Variants in CEP126 observed in about 807,000 individuals in gnomAD.
The protein encoded by CEP126 is centrosomal protein of 126 kDa.
In CEP126, 74 loss-of-function variants were observed where a neutral mutation model predicts 107.8. The observed-to-expected ratio is 0.69, with a 90% CI of 0.57 to 0.83. The LOEUF is 0.83. CEP126 is among the 40% of genes least tolerant of loss of function. The pLI, the probability that CEP126 is intolerant of heterozygous loss-of-function variation, is 0.00. For synonymous variants in CEP126, 449 were observed against 446.0 expected (o/e 1.01, Z -0.08); for missense variants, 1,237 against 1,281.9 (o/e 0.96, Z 0.53).
In CEP126 at chr11:101,929,630, C is replaced by T. The variant is rs879490059; in HGVS notation, c.248+6870C>T. On this transcript the variant is annotated intron_variant, in intron 2 of 10. Coordinates refer to ENST00000263468, the MANE Select transcript of CEP126 (RefSeq NM_020802.4). ...ACCACCAACTATGGAGAGCGTAGGG[C>T]ACTTCGTCCTGCTGGGTAGGTGAAA... is the stretch of plus-strand genomic sequence containing the variant. Among the ~76,000 whole-genome samples, 20 of 152,152 alleles carry T rather than the reference C, an allele frequency of 1.3e-4. 1 individual carries two copies. Among genetic ancestry groups the T allele is most frequent in the Admixed American group, 3.9e-4 (6 of 15,266 alleles).
intron 9 of CEP126, among the ~76,000 whole-genome samples, chr11:101,989,698 G>A (rs1383061352): frequency 9.2e-5 from 14 of 152,158 alleles, no homozygotes; most frequent in Non-Finnish European, 7.4e-5. Flanking sequence ...GGTGCCTCAC[G>A]CCTGTAATCC....
intron 4 of CEP126, among the ~76,000 whole-genome samples, chr11:101,953,435 G>A (rs771867687): frequency 6.6e-6 from 1 of 151,944 alleles, no homozygotes; most frequent in Non-Finnish European, 1.5e-5. Flanking sequence ...ATATAGATAA[G>A]GTCACATAGA....
intron 8 of CEP126, among the ~76,000 whole-genome samples, chr11:101,983,599 G>A (rs184035845): frequency 2.0e-5 from 3 of 152,286 alleles, no homozygotes; most frequent in Admixed American, 1.3e-4. Flanking sequence ...GTGATCAAGC[G>A]TCTGCTGATT....
chr11:101,915,945 T>C (rs1334727822), intron 1 of CEP126: 1 of 152,256 alleles, frequency 6.6e-6, no homozygotes, highest in Non-Finnish European at 1.5e-5. Flanking sequence ...AAAGAGGAAA[T>C]GAGAAACAGG....
chr11:101,979,318 T>TG (rs1397472828), intron 7 of CEP126, among the ~76,000 whole-genome samples: 2 of 152,216 alleles, frequency 1.3e-5, no homozygotes, highest in Non-Finnish European at 2.9e-5. Flanking sequence ...CATTTCCTAT[T>TG]GAGGACCTTT....
intron 2 of CEP126, among the ~76,000 whole-genome samples, chr11:101,926,402 G>A (rs925304319): frequency 6.6e-6 from 1 of 152,226 alleles, no homozygotes; most frequent in Non-Finnish European, 1.5e-5. Flanking sequence ...ATATGTGGAA[G>A]AGTATCAGGA....
intron 1 of CEP126, among the ~76,000 whole-genome samples, chr11:101,920,605 C>CTT (rs5794145): frequency 4.9e-5 from 7 of 141,514 alleles, no homozygotes; most frequent in Admixed American, 7.1e-5. Flanking sequence ...ATTCAATGAA[C>CTT]TTTTTTTTTT....
intron 2 of CEP126, among the ~76,000 whole-genome samples, chr11:101,934,430 A>G (rs930774216): frequency 1.3e-5 from 2 of 151,876 alleles, no homozygotes; most frequent in South Asian, 2.1e-4. Context: ...CTATTTTTCC[A>G]TGCCACTTCC....
chr11:101,973,181 A>T (rs1941154096), intron 6 of CEP126, among the ~76,000 whole-genome samples: 1 of 152,202 alleles, frequency 6.6e-6, no homozygotes, highest in Non-Finnish European at 1.5e-5. Flanking sequence ...CAACTTTACT[A>T]GGTAATCCAA....
intron 3 of CEP126, 26 bp downstream of exon 3, chr11:101,944,436 A>G (rs77291911): frequency 0.022 from 34,390 of 1,583,106 alleles, 491 homozygotes; most frequent in African/African-American, 0.054. Flanking sequence ...GAACAGTATG[A>G]GAACATAAAG....
chr11:101,927,812 T>C (rs190754231), intron 2 of CEP126, among the ~76,000 whole-genome samples: 4 of 152,296 alleles, frequency 2.6e-5, no homozygotes, highest in Admixed American at 2.0e-4. Context: ...CATTCACCCA[T>C]TGAAGGACAT....
At chr11:101,988,122 G>A (rs1461814560) in intron 9 of CEP126, among the ~76,000 whole-genome samples, 3 of 152,162 alleles carry the variant, frequency 2.0e-5, no homozygotes. Context: ...ATGCTCTAAA[G>A]TTGTCAGAAA....
intron 2 of CEP126, among the ~76,000 whole-genome samples, chr11:101,927,950 C>G (rs1410148222): frequency 6.6e-6 from 1 of 151,990 alleles, no homozygotes; most frequent in Non-Finnish European, 1.5e-5. Context: ...TGGTAGTTGC[C>G]CATTTAGTGT....
At chr11:101,971,133 A>T (rs1941123298) in intron 6 of CEP126, among the ~76,000 whole-genome samples, 1 of 151,976 alleles carries the variant, frequency 6.6e-6, no homozygotes, top group Non-Finnish European at 1.5e-5. Flanking sequence ...ATGCCTGGCT[A>T]ATTTTTTGTA....
At chr11:101,988,132 A>G (rs1941336165) in intron 9 of CEP126, among the ~76,000 whole-genome samples, 2 of 152,236 alleles carry the variant, frequency 1.3e-5, no homozygotes, top group African/African-American at 4.8e-5. Context: ...GTTGTCAGAA[A>G]TAAGCTTTAA....
intron 4 of CEP126, 32 bp from the exon 5 acceptor site, chr11:101,958,136 T>C (rs765931892): frequency 1.9e-6 from 3 of 1,581,258 alleles, no homozygotes; most frequent in South Asian, 1.1e-5. Flanking sequence ...TTTATTTAAA[T>C]GTACTAAGCA....
intron 6 of CEP126, 34 bp downstream of exon 6, chr11:101,963,914 ATG>A: frequency 2.2e-6 from 3 of 1,377,484 alleles, no homozygotes; most frequent in Non-Finnish European, 3.0e-6. Flanking sequence ...TATAGATAAA[ATG>A]TACACCTTTG....
intron 2 of CEP126, among the ~76,000 whole-genome samples, chr11:101,943,307 T>C (rs1383857313): frequency 6.6e-6 from 1 of 152,022 alleles, no homozygotes; most frequent in South Asian, 2.1e-4. Context: ...CCTGAAAGTA[T>C]ATATAGTTCC....
intron 2 of CEP126, among the ~76,000 whole-genome samples, chr11:101,927,240 T>C (rs1940426566): frequency 6.6e-6 from 1 of 152,148 alleles, no homozygotes; most frequent in South Asian, 2.1e-4. Flanking sequence ...AGGCAAAGGT[T>C]GTGGTGAGCC....
Sources: allele counts gnomAD v4.1 joint callset (sites outside exome capture counted in the v4.1 genomes callset), GRCh38; gene constraint gnomAD v4.1.1; transcripts MANE v1.5; gene names NCBI Gene and HGNC (gene_info 2026-07-23, HGNC 2026-07-21).